Variants in MDGA2 observed in about 807,000 individuals in gnomAD.
MDGA2 encodes the protein MAM domain containing glycosylphosphatidylinositol anchor 2, also known as MAM domain-containing glycosylphosphatidylinositol anchor protein 2.
Under a neutral mutation model 117.8 loss-of-function variants are expected in MDGA2, and 40 were observed. That is an observed-to-expected ratio of 0.34 (90% CI 0.26 to 0.44). The LOEUF (loss-of-function observed/expected upper bound fraction) is 0.44. Among genes scored for constraint, MDGA2 ranks in the 20% least tolerant of loss-of-function variants. The probability of loss-of-function intolerance (pLI) is 1.00; values close to 1 mark genes in which losing one functional copy is unlikely to be tolerated. For synonymous variants in MDGA2, 452 were observed against 439.0 expected, an observed-to-expected ratio of 1.03 and a Z score of -0.37; for missense variants, 1,123 against 1,250.6, an observed-to-expected ratio of 0.90 and a Z score of 1.54.
intron 1 of MDGA2, among the ~76,000 whole-genome samples, chr14:47,429,629 G>T (rs1232912661): frequency 6.6e-6 from 1 of 152,046 alleles, no homozygotes; most frequent in Non-Finnish European, 1.5e-5. Context: ...TGGTAGACTT[G>T]CTTTTTCATG....
At chr14:47,561,181 T>TC (rs1895807738) in intron 1 of MDGA2, among the ~76,000 whole-genome samples, 1 of 139,834 alleles carries the variant, frequency 7.2e-6, no homozygotes, top group South Asian at 2.4e-4. Context: ...GTTTGTTTGT[T>TC]TTTTTTTGCT....
At chr14:46,848,096 T>C (rs1188343099) in intron 15 of MDGA2, among the ~76,000 whole-genome samples, 1 of 151,894 alleles carries the variant, frequency 6.6e-6, no homozygotes, top group Non-Finnish European at 1.5e-5. Context: ...GGAAGTGAGA[T>C]GTGGTGAAGA....
At chr14:47,011,519 A>T (rs1887895174) in intron 8 of MDGA2, among the ~76,000 whole-genome samples, 2 of 151,972 alleles carry the variant, frequency 1.3e-5, no homozygotes, top group Non-Finnish European at 2.9e-5. Context: ...TGTTTCATCA[A>T]AACATGTTTC....
At chr14:47,412,916 A>G (rs185703235) in intron 1 of MDGA2, among the ~76,000 whole-genome samples, 1 of 152,356 alleles carries the variant, frequency 6.6e-6, no homozygotes, top group Admixed American at 6.5e-5. Context: ...TGAAGGCTGA[A>G]TATATTACAA....
intron 1 of MDGA2, among the ~76,000 whole-genome samples, chr14:47,456,269 C>T (rs1299748609): frequency 3.4e-5 from 5 of 149,118 alleles, no homozygotes; most frequent in African/African-American, 1.2e-4. Flanking sequence ...ACAATTGAGT[C>T]AGTGTGAGCA....
At chr14:46,971,945 G>T (rs1886283625) in intron 8 of MDGA2, among the ~76,000 whole-genome samples, 1 of 152,088 alleles carries the variant, frequency 6.6e-6, no homozygotes, top group African/African-American at 2.4e-5. Flanking sequence ...TTGGGTTGTT[G>T]AAACAATGGA....
chr14:47,187,797 CA>C (rs1884964836), intron 3 of MDGA2, among the ~76,000 whole-genome samples: 1 of 151,918 alleles, frequency 6.6e-6, no homozygotes, highest in Admixed American at 6.6e-5. Context: ...ATATATCTAG[CA>C]AAATTACAAG....
intron 11 of MDGA2, 82 bp from the exon 12 acceptor site, chr14:46,877,591 T>A: frequency 1.0e-6 from 1 of 990,782 alleles, no homozygotes; most frequent in Non-Finnish European, 1.5e-6. Context: ...AAAAGTCTAA[T>A]CAGTGTCTCA....
chr14:46,878,204 C>A (rs953153172), intron 11 of MDGA2, among the ~76,000 whole-genome samples: 6 of 151,780 alleles, frequency 4.0e-5, no homozygotes, highest in Non-Finnish European at 8.8e-5. Context: ...GAATTTCCAC[C>A]CAAAGAGAAA....
At chr14:47,604,727 C>CTT (rs1896711195) in intron 1 of MDGA2, among the ~76,000 whole-genome samples, 1 of 152,106 alleles carries the variant, frequency 6.6e-6, no homozygotes, top group Non-Finnish European at 1.5e-5. Context: ...TTTCCACATC[C>CTT]TTTTAGTCTG....
intron 8 of MDGA2, among the ~76,000 whole-genome samples, chr14:46,976,674 T>G (rs1368595676): frequency 6.6e-6 from 1 of 151,984 alleles, no homozygotes; most frequent in Non-Finnish European, 1.5e-5. Flanking sequence ...TGAATTGAGT[T>G]TGCTGTCTTC....
intron 10 of MDGA2, among the ~76,000 whole-genome samples, chr14:46,904,584 G>A (rs1044264537): frequency 6.6e-6 from 1 of 152,068 alleles, no homozygotes; most frequent in East Asian, 1.9e-4. Context: ...CCTAAAAAGC[G>A]TTGCTTATTA....
rs183646723 is a variant in MDGA2, at chr14:46,935,897, A to G, written c.2090-15737T>C. 1.5e-4 allele frequency among the ~76,000 whole-genome samples: 23 copies of G among 152,282 alleles called. No homozygotes were observed. The East Asian group carries it at 4.1e-3, about 27-fold the overall frequency. On this transcript the variant is annotated intron_variant, in intron 9 of 16. Transcript: ENST00000399232. ...TTTACTTGACAGAACTGATTTATTC[A>G]TTAGGCACAGGAGTCACAGCACCTA...
chr14:47,674,927 G>A lies in MDGA2; in HGVS notation c.-131C>T. 1 of 517,464 alleles carries A rather than the reference G, an allele frequency of 1.9e-6. No homozygotes were observed. The highest frequency in any genetic ancestry group is 3.4e-6 in the Non-Finnish European group (1 of 298,474). The allele number at this position is 517,464 out of a possible 1,614,324, so 32.1% of individuals were successfully genotyped here. On this transcript the variant is annotated 5_prime_UTR_variant, in exon 1 of 17. Coordinates refer to ENST00000399232, the MANE Select transcript of MDGA2 (RefSeq NM_001113498.3). ...ACGCCGGGGAGGAGCAGGGGGCGGT[G>A]ATGGGAAGGGGAGCTGCGAGGCGAA...
chr14:47,333,970 C>A (rs908142418), intron 1 of MDGA2, among the ~76,000 whole-genome samples: 9 of 151,692 alleles, frequency 5.9e-5, no homozygotes, highest in African/African-American at 2.2e-4. Context: ...GATATTTCCT[C>A]TAGGAAAATG....
At chr14:47,187,546 T>C (rs1261537990) in intron 3 of MDGA2, among the ~76,000 whole-genome samples, 1 of 152,106 alleles carries the variant, frequency 6.6e-6, no homozygotes, top group African/African-American at 2.4e-5. Context: ...CATGTTAATA[T>C]GTGACTCTAG....
At chr14:47,256,979 G>A (rs939915838) in intron 2 of MDGA2, among the ~76,000 whole-genome samples, 4 of 151,272 alleles carry the variant, frequency 2.6e-5, no homozygotes, top group African/African-American at 4.9e-5. Flanking sequence ...GAAAAGAGGG[G>A]GGACAAGATG....
At chr14:47,118,771 T>C (rs1051566641) in intron 5 of MDGA2, among the ~76,000 whole-genome samples, 3 of 152,184 alleles carry the variant, frequency 2.0e-5, no homozygotes, top group Non-Finnish European at 4.4e-5. Context: ...TCTCACTCTG[T>C]CGTTCAGTCT....
intron 8 of MDGA2, among the ~76,000 whole-genome samples, chr14:46,964,116 T>G (rs1256618167): frequency 6.6e-6 from 1 of 152,108 alleles, no homozygotes; most frequent in African/African-American, 2.4e-5. Context: ...CTGAACCCCA[T>G]GTAAAACTTC....
Sources: allele counts gnomAD v4.1 joint callset (sites outside exome capture counted in the v4.1 genomes callset), GRCh38; gene constraint gnomAD v4.1.1; transcripts MANE v1.5; gene names NCBI Gene and HGNC (gene_info 2026-07-23, HGNC 2026-07-21).